Variants in EBF1 observed in about 807,000 individuals in gnomAD.
EBF1 encodes transcription factor COE1.
A neutral mutation model predicts 68.4 loss-of-function variants in EBF1; 10 were observed. That is an observed-to-expected ratio of 0.15 (90% confidence interval 0.09 to 0.25). The LOEUF (loss-of-function observed/expected upper bound fraction) is 0.25. Ranked by LOEUF, EBF1 falls within the 10% of genes least tolerant of loss-of-function variation. The pLI is 1.00. For missense variants in EBF1, 509 were observed against 794.4 expected, an observed-to-expected ratio of 0.64 and a Z score of 4.32; for synonymous variants, 298 against 299.8, an observed-to-expected ratio of 0.99 and a Z score of 0.06.
At chr5:159,067,683 T>C (rs1329637980) in intron 6 of EBF1, among the ~76,000 whole-genome samples, 2 of 152,182 alleles carry the variant, frequency 1.3e-5, no homozygotes, top group African/African-American at 2.4e-5. Flanking sequence ...ATATTCAGAA[T>C]GGTATTATCT....
chr5:158,984,030 T>C (rs1396651653), intron 6 of EBF1, among the ~76,000 whole-genome samples: 2 of 152,112 alleles, frequency 1.3e-5, no homozygotes, highest in Non-Finnish European at 2.9e-5. Flanking sequence ...TGTTATAATA[T>C]TTGAGTCCTT....
At chr5:158,764,917 T>C (rs937396320) in intron 10 of EBF1, among the ~76,000 whole-genome samples, 3 of 152,176 alleles carry the variant, frequency 2.0e-5, no homozygotes, top group African/African-American at 7.2e-5. Flanking sequence ...ACCTCATTTT[T>C]ACACCTGAAA....
intron 6 of EBF1, among the ~76,000 whole-genome samples, chr5:159,045,405 AT>A (rs35855682): frequency 0.082 from 12,218 of 149,320 alleles, 512 homozygotes; most frequent in African/African-American, 0.12. Flanking sequence ...CTCAAAATGA[AT>A]TTTTTTTTCC....
At chr5:159,009,022 T>C (rs1273791352) in intron 6 of EBF1, among the ~76,000 whole-genome samples, 1 of 152,308 alleles carries the variant, frequency 6.6e-6, no homozygotes, top group East Asian at 1.9e-4. Flanking sequence ...GCTCAGCCAG[T>C]GGAAAGCTCT....
chr5:158,902,421 T>C (rs1188717808), intron 6 of EBF1, among the ~76,000 whole-genome samples: 2 of 8,906 alleles, frequency 2.2e-4, no homozygotes, highest in Non-Finnish European at 5.6e-4. Context: ...TTCTTTTTCT[T>C]TTTTTTTTTT....
intron 6 of EBF1, among the ~76,000 whole-genome samples, chr5:158,889,500 G>A (rs1322029014): frequency 6.6e-6 from 1 of 152,174 alleles, no homozygotes; most frequent in Non-Finnish European, 1.5e-5. Flanking sequence ...CCTCAATGAT[G>A]GCAAAGCTGA....
At chr5:158,923,014 A>G (rs566528246) in intron 6 of EBF1, among the ~76,000 whole-genome samples, 40 of 152,338 alleles carry the variant, frequency 2.6e-4, no homozygotes, top group Non-Finnish European at 5.6e-4. Flanking sequence ...CAATTAGCCA[A>G]TTAGGTGGTC....
At chr5:159,072,208 A>G (rs113211333) in intron 6 of EBF1, among the ~76,000 whole-genome samples, 2,966 of 152,330 alleles carry the variant, frequency 0.019, 101 homozygotes, top group African/African-American at 0.065. Context: ...AGGAATATTT[A>G]GTTAAAATAT....
At chr5:159,040,135 G>C (rs546409363) in intron 6 of EBF1, among the ~76,000 whole-genome samples, 38 of 152,132 alleles carry the variant, frequency 2.5e-4, no homozygotes, top group Non-Finnish European at 4.0e-4. Context: ...GTGCTTGCTT[G>C]AGCATCAGCC....
intron 10 of EBF1, among the ~76,000 whole-genome samples, chr5:158,764,643 C>T (rs1462158467): frequency 6.6e-6 from 1 of 152,088 alleles, no homozygotes; most frequent in Non-Finnish European, 1.5e-5. Context: ...CTGGTGATAG[C>T]GCTGTCAATA....
At chr5:159,096,771 G>T (rs1384727169) in intron 2 of EBF1, among the ~76,000 whole-genome samples, 3 of 152,204 alleles carry the variant, frequency 2.0e-5, no homozygotes, top group Non-Finnish European at 4.4e-5. Context: ...CTAGCTCTGG[G>T]GGCTCCGTGC....
At position 158,822,719 on chromosome 5, in the gene EBF1, A is replaced by T. The variant is rs183510857; in HGVS notation, c.778+457T>A. The stretch of plus-strand genomic sequence containing the variant: ...TGAAGTTCAACAGGTGGTCACAGAG[A>T]TACACCAGGAGGGTGGTAAAGAGGA... On this transcript the variant is annotated intron_variant, in intron 8 of 15. Transcript: ENST00000313708. Among the ~76,000 whole-genome samples the T allele has an allele frequency of 7.2e-5, 11 of 152,338 alleles. No homozygotes were observed. In the East Asian group the frequency reaches 2.1e-3, roughly 29 times the overall value.
intron 6 of EBF1, among the ~76,000 whole-genome samples, chr5:158,848,077 C>T (rs988408021): frequency 1.3e-5 from 2 of 152,168 alleles, no homozygotes; most frequent in Admixed American, 6.5e-5. Flanking sequence ...TGTGTAAGGC[C>T]GTGTCCTGAG....
intron 6 of EBF1, among the ~76,000 whole-genome samples, chr5:158,882,633 A>T (rs556443200): frequency 6.6e-6 from 1 of 152,250 alleles, no homozygotes; most frequent in East Asian, 1.9e-4. Context: ...ACCTTATCAC[A>T]ACAATGAGTC....
chr5:158,779,888 T>G (rs1323990336), intron 9 of EBF1, among the ~76,000 whole-genome samples: 1 of 152,218 alleles, frequency 6.6e-6, no homozygotes, highest in Non-Finnish European at 1.5e-5. Flanking sequence ...AAACAAATTT[T>G]CATTTACAAT....
Position 159,031,904 on chromosome 5 carries a change from G to A in EBF1, c.554+41492C>T, listed in dbSNP as rs79139474. Among the ~76,000 whole-genome samples, 237 of 149,340 alleles carry A rather than the reference G, an allele frequency of 1.6e-3. 2 individuals carry two copies. The highest frequency in any genetic ancestry group is 1.2e-3 in the Non-Finnish European group (81 of 66,128). The stretch of plus-strand genomic sequence containing the variant: ...TTAGTTAAAATATAAAACAAAACCC[G>A]CCATCTTTTGTGGGTGCAGTTGCAA... On this transcript the variant is annotated intron_variant, in intron 6 of 15. Transcript: ENST00000313708.
intron 9 of EBF1, among the ~76,000 whole-genome samples, chr5:158,782,785 A>G (rs947759436): frequency 2.6e-5 from 4 of 152,212 alleles, no homozygotes; most frequent in African/African-American, 9.6e-5. Flanking sequence ...CTACTAAATC[A>G]TTGACTCCAC....
intron 6 of EBF1, among the ~76,000 whole-genome samples, chr5:159,050,848 T>G (rs1375273993): frequency 6.6e-6 from 1 of 152,206 alleles, no homozygotes; most frequent in Admixed American, 6.5e-5. Context: ...CTGTGCTCTT[T>G]TTAATTCCCC....
chr5:158,856,737 A>C (rs535115274), intron 6 of EBF1, among the ~76,000 whole-genome samples: 1 of 152,332 alleles, frequency 6.6e-6, no homozygotes, highest in East Asian at 1.9e-4. Context: ...GCTGAATCAC[A>C]GGGAGATTTA....
Sources: allele counts gnomAD v4.1 joint callset (sites outside exome capture counted in the v4.1 genomes callset), GRCh38; gene constraint gnomAD v4.1.1; transcripts MANE v1.5; gene names NCBI Gene and HGNC (gene_info 2026-07-23, HGNC 2026-07-21).